ARHGAP25: variants seen among roughly 807,000 people sequenced by gnomAD.
ARHGAP25 encodes Rho GTPase activating protein 25, also known as rho GTPase-activating protein 25.
A neutral mutation model predicts 71.0 loss-of-function variants in ARHGAP25; 34 were observed. The observed-to-expected ratio is 0.48, with a 90% CI of 0.36 to 0.64. The LOEUF (loss-of-function observed/expected upper bound fraction) is 0.64, where lower values mean the gene tolerates loss of function less well. ARHGAP25 is among the 30% of genes least tolerant of loss of function. The pLI, the probability that ARHGAP25 is intolerant of heterozygous loss-of-function variation, is 0.00. For missense variants in ARHGAP25, 706 were observed against 805.1 expected, an observed-to-expected ratio of 0.88 and a Z score of 1.49; for synonymous variants, 282 against 296.5, an observed-to-expected ratio of 0.95 and a Z score of 0.50.
intron 4 of ARHGAP25, among the ~76,000 whole-genome samples, chr2:68,797,996 C>T (rs1016167948): frequency 8.5e-5 from 13 of 152,166 alleles, no homozygotes; most frequent in Non-Finnish European, 4.4e-5. Context: ...GTTGAACTCC[C>T]AAGTTCTTTC....
At chr2:68,798,252 C>T (rs1679716649) in intron 4 of ARHGAP25, among the ~76,000 whole-genome samples, 1 of 152,120 alleles carries the variant, frequency 6.6e-6, no homozygotes, top group African/African-American at 2.4e-5. Context: ...TTTCCTAATC[C>T]ACAGCACAAT....
intron 3 of ARHGAP25, among the ~76,000 whole-genome samples, chr2:68,786,995 T>C (rs1403594156): frequency 6.6e-6 from 1 of 152,240 alleles, no homozygotes; most frequent in African/African-American, 2.4e-5. Flanking sequence ...TGCAAGCAGG[T>C]CCACGGATGA....
At chr2:68,778,695 A>G (rs138060204) in intron 2 of ARHGAP25, among the ~76,000 whole-genome samples, 1 of 152,288 alleles carries the variant, frequency 6.6e-6, no homozygotes, top group Non-Finnish European at 1.5e-5. Context: ...AAATTGTCAT[A>G]CCCTTAGACA....
intron 2 of ARHGAP25, among the ~76,000 whole-genome samples, chr2:68,723,559 C>T (rs183194461): frequency 1.3e-5 from 2 of 152,172 alleles, no homozygotes; most frequent in Non-Finnish European, 2.9e-5. Flanking sequence ...CTTCTTCATT[C>T]CAAATGCTTT....
Position 68,817,955 on chromosome 2 carries a change from A to G in ARHGAP25, c.964A>G (p.Ile322Val), listed in dbSNP as rs767808741. 1 of 1,612,024 alleles carries G rather than the reference A, an allele frequency of 6.2e-7. No individual in the cohort carries two copies. The highest frequency in any genetic ancestry group is 8.5e-7 in the Non-Finnish European group (1 of 1,178,070). Residue 322 changes from isoleucine (I) to valine (V), a missense_variant, in exon 8 of 11, where the codon ATC (isoleucine) becomes GTC (valine). Coordinates refer to ENST00000409202, the MANE Select transcript of ARHGAP25 (RefSeq NM_001007231.3). ...GGCTACTGTGATTGGTGTGAATCTC[A>G]TCAGGTCGAAGGTCGAAGACCCTGC... ...NLATVIGVNL[I>V]RSKVEDPAVI...
At chr2:68,777,407 G>A (rs1678002235) in intron 2 of ARHGAP25, among the ~76,000 whole-genome samples, 1 of 152,178 alleles carries the variant, frequency 6.6e-6, no homozygotes, top group Non-Finnish European at 1.5e-5. Flanking sequence ...GCCTGCATTT[G>A]TCACAGGATC....
intron 4 of ARHGAP25, among the ~76,000 whole-genome samples, chr2:68,799,547 A>G (rs188987452): frequency 1.5e-3 from 229 of 152,356 alleles, no homozygotes; most frequent in Middle Eastern, 6.8e-3. Context: ...ACATTGATAT[A>G]TAGAACAATG....
intron 4 of ARHGAP25, among the ~76,000 whole-genome samples, chr2:68,806,340 T>C (rs1211206638): frequency 6.6e-6 from 1 of 152,232 alleles, no homozygotes; most frequent in Non-Finnish European, 1.5e-5. Context: ...AATTAGGACA[T>C]AGTAAACAAC....
intron 3 of ARHGAP25, among the ~76,000 whole-genome samples, chr2:68,783,386 A>T (rs932062669): frequency 1.3e-5 from 2 of 152,188 alleles, no homozygotes; most frequent in African/African-American, 4.8e-5. Flanking sequence ...CTTGGCTATG[A>T]CTGTTTATAG....
chr2:68,739,722 G>A (rs774407785), intron 1 of ARHGAP25, among the ~76,000 whole-genome samples: 3 of 152,182 alleles, frequency 2.0e-5, no homozygotes, highest in Admixed American at 6.5e-5. Flanking sequence ...GAGCCACAGC[G>A]AGGCACAGGC....
intron 1 of ARHGAP25, 193 bp downstream of exon 1, chr2:68,735,453 T>A: frequency 3.2e-6 from 2 of 630,062 alleles, no homozygotes; most frequent in Non-Finnish European, 5.7e-6. Flanking sequence ...TCTCTTTCAT[T>A]TGGACAAAAC....
rs1558663286 is a variant in ARHGAP25 at position 68,819,202 on chromosome 2, C to A, written c.1083C>A (p.Pro361=). 1 of 1,614,024 alleles carries A rather than the reference C, an allele frequency of 6.2e-7. No homozygotes were observed. Among genetic ancestry groups the A allele is most frequent in the Non-Finnish European group, 8.5e-7 (1 of 1,179,952 alleles). The change falls in exon 9 of 11, where the codon CCC becomes CCA. Residue 361 remains proline (P), a synonymous_variant. Transcript: ENST00000409202. The part of the protein sequence containing the change: ...EVLFPKSKDI[P]LSPPAQKNDP... ...TCTTCCCCAAGTCCAAGGATATACC[C>A]CTGTCACCCCCTGCCCAGAAAAATG...
At chr2:68,814,435 G>A (rs1024851210) in intron 6 of ARHGAP25, among the ~76,000 whole-genome samples, 8 of 152,168 alleles carry the variant, frequency 5.3e-5, no homozygotes, top group Admixed American at 2.0e-4. Flanking sequence ...TTAAATTTAA[G>A]TAGTTACATG....
intron 10 of ARHGAP25, among the ~76,000 whole-genome samples, chr2:68,825,757 C>A (rs1682079004): frequency 6.6e-6 from 1 of 151,624 alleles, no homozygotes; most frequent in Non-Finnish European, 1.5e-5. Context: ...CCAGCCTGGG[C>A]AACAGAGCGA....
chr2:68,761,284 C>CT (rs1403243630), intron 1 of ARHGAP25, among the ~76,000 whole-genome samples: 2 of 152,050 alleles, frequency 1.3e-5, no homozygotes. Flanking sequence ...CTGTAAAACT[C>CT]TTAGAAGAAG....
At chr2:68,723,838 C>A (rs1674820932) in intron 2 of ARHGAP25, among the ~76,000 whole-genome samples, 5 of 151,746 alleles carry the variant, frequency 3.3e-5, no homozygotes, top group Admixed American at 3.3e-4. Flanking sequence ...ACATCTGATA[C>A]TGGGAAATGG....
intron 9 of ARHGAP25, chr2:68,819,658 T>G: frequency 1.8e-6 from 1 of 547,462 alleles, no homozygotes; most frequent in South Asian, 2.7e-5. Context: ...AATGTTTTGG[T>G]CAGAATTGTT....
intron 1 of ARHGAP25, among the ~76,000 whole-genome samples, chr2:68,749,642 C>T (rs74803305): frequency 6.6e-6 from 1 of 152,218 alleles, no homozygotes; most frequent in African/African-American, 2.4e-5. Context: ...TTGAGCTGAA[C>T]ATTCTCAACT....
chr2:68,765,182 C>G (rs1677053354), intron 1 of ARHGAP25, among the ~76,000 whole-genome samples: 1 of 152,142 alleles, frequency 6.6e-6, no homozygotes, highest in Admixed American at 6.5e-5. Flanking sequence ...TCTTCCCATT[C>G]ATCAGCTGAT....
Sources: allele counts gnomAD v4.1 joint callset (sites outside exome capture counted in the v4.1 genomes callset), GRCh38; gene constraint gnomAD v4.1.1; transcripts MANE v1.5; gene names NCBI Gene and HGNC (gene_info 2026-07-23, HGNC 2026-07-21).